The following SEMA6D variants were observed in gnomAD, a reference collection of about 807,000 sequenced individuals.
The protein encoded by SEMA6D is semaphorin-6D.
In SEMA6D, 35 loss-of-function variants were observed where a neutral mutation model predicts 106.6. The ratio of observed to expected loss-of-function variants is 0.33; its 90% CI spans 0.25 to 0.44. The LOEUF is 0.44. Ranked by LOEUF, SEMA6D falls within the 20% of genes least tolerant of loss-of-function variation. SEMA6D has a pLI of 1.00. For synonymous variants in SEMA6D, 499 were observed against 487.7 expected, an observed-to-expected ratio of 1.02 and a Z score of -0.31; for missense variants, 1,185 against 1,345.9, an observed-to-expected ratio of 0.88 and a Z score of 1.87.
chr15:47,426,196 G>A (rs775465344), intron 2 of SEMA6D, among the ~76,000 whole-genome samples: 1 of 151,964 alleles, frequency 6.6e-6, no homozygotes, highest in Non-Finnish European at 1.5e-5. Context: ...TTAGAGATGA[G>A]ATCTCACTAT....
At chr15:47,465,694 T>C (rs879330209) in intron 2 of SEMA6D, among the ~76,000 whole-genome samples, 2 of 152,142 alleles carry the variant, frequency 1.3e-5, no homozygotes, top group Non-Finnish European at 2.9e-5. Flanking sequence ...TCTCCTGCCA[T>C]GTAAGATGTG....
chr15:47,268,391 C>T (rs2034415931), intron 1 of SEMA6D, among the ~76,000 whole-genome samples: 1 of 152,022 alleles, frequency 6.6e-6, no homozygotes, highest in Non-Finnish European at 1.5e-5. Context: ...CTGTCCCTTC[C>T]ATTCTACCCT....
At chr15:47,334,185 AC>A (rs2037460378) in intron 1 of SEMA6D, among the ~76,000 whole-genome samples, 1 of 152,164 alleles carries the variant, frequency 6.6e-6, no homozygotes, top group African/African-American at 2.4e-5. Flanking sequence ...AGGGTGGTGC[AC>A]CCAGGGAGGG....
chr15:47,501,664 C>T (rs1346358115), intron 3 of SEMA6D, among the ~76,000 whole-genome samples: 2 of 152,110 alleles, frequency 1.3e-5, no homozygotes, highest in East Asian at 3.8e-4. Flanking sequence ...CTGTTAGCAA[C>T]AGTAACAAGT....
intron 3 of SEMA6D, among the ~76,000 whole-genome samples, chr15:47,506,297 G>A (rs1465221691): frequency 2.6e-5 from 4 of 152,138 alleles, no homozygotes; most frequent in Non-Finnish European, 4.4e-5. Context: ...CTTTAGGTTT[G>A]TTTTGCCTTT....
At chr15:47,473,963 A>G (rs1274230682) in intron 3 of SEMA6D, among the ~76,000 whole-genome samples, 2 of 152,134 alleles carry the variant, frequency 1.3e-5, no homozygotes, top group African/African-American at 2.4e-5. Context: ...GGTTCTGGAA[A>G]GGCTGTGCCT....
intron 1 of SEMA6D, among the ~76,000 whole-genome samples, chr15:47,215,515 T>C (rs1483227131): frequency 1.3e-5 from 2 of 152,294 alleles, no homozygotes; most frequent in East Asian, 1.9e-4. Context: ...ATTTAGCTCA[T>C]ATATATTTAC....
intron 3 of SEMA6D, among the ~76,000 whole-genome samples, chr15:47,589,857 A>T (rs1276941319): frequency 1.3e-5 from 2 of 152,200 alleles, no homozygotes; most frequent in Admixed American, 1.3e-4. Flanking sequence ...CATTTTGGTT[A>T]TCTATAGCTA....
chr15:47,553,153 C>A (rs1306597831), intron 3 of SEMA6D, among the ~76,000 whole-genome samples: 2 of 151,464 alleles, frequency 1.3e-5, no homozygotes, highest in Non-Finnish European at 2.9e-5. Flanking sequence ...ATCCGCCCAT[C>A]TTGACCTCCA....
intron 1 of SEMA6D, among the ~76,000 whole-genome samples, chr15:47,407,913 G>A (rs556301854): frequency 6.6e-6 from 1 of 152,250 alleles, no homozygotes; most frequent in East Asian, 1.9e-4. Flanking sequence ...CCTCCTTTCT[G>A]CACCTTGGTG....
At chr15:47,395,113 T>C (rs2040169600) in intron 1 of SEMA6D, among the ~76,000 whole-genome samples, 2 of 152,146 alleles carry the variant, frequency 1.3e-5, no homozygotes, top group South Asian at 4.1e-4. Context: ...TAAGATTGCA[T>C]ACACAATAGG....
intron 1 of SEMA6D, among the ~76,000 whole-genome samples, chr15:47,333,248 A>G (rs1486911781): frequency 1.3e-5 from 2 of 152,182 alleles, no homozygotes; most frequent in Non-Finnish European, 2.9e-5. Flanking sequence ...TTACAATTTA[A>G]TGAGTGAATA....
chr15:47,315,019 T>G (rs969605976), intron 1 of SEMA6D, among the ~76,000 whole-genome samples: 1 of 150,838 alleles, frequency 6.6e-6, no homozygotes, highest in African/African-American at 2.4e-5. Flanking sequence ...GCGCCCGCCA[T>G]CACGCCCGGC....
chr15:47,248,177 C>T (rs961222682), intron 1 of SEMA6D, among the ~76,000 whole-genome samples: 3 of 152,232 alleles, frequency 2.0e-5, no homozygotes, highest in South Asian at 4.1e-4. Flanking sequence ...AAATCAGAGA[C>T]AATTCATTCT....
At chr15:47,420,492 G>A (rs2041117863) in intron 2 of SEMA6D, among the ~76,000 whole-genome samples, 1 of 151,884 alleles carries the variant, frequency 6.6e-6, no homozygotes, top group Admixed American at 6.6e-5. Context: ...CTCCCCCTCT[G>A]TGCATGCTAG....
chr15:47,684,598 A>G (rs1350832332), intron 4 of SEMA6D, among the ~76,000 whole-genome samples: 7 of 152,194 alleles, frequency 4.6e-5, no homozygotes, highest in Non-Finnish European at 4.4e-5. Context: ...TGCCCAGTAC[A>G]TACCAGGAGC....
intron 1 of SEMA6D, among the ~76,000 whole-genome samples, chr15:47,746,259 G>A (rs980103838): frequency 5.9e-5 from 9 of 152,286 alleles, no homozygotes; most frequent in Admixed American, 5.2e-4. Context: ...CCTCTGATGA[G>A]GCACTTTGCA....
At chr15:47,356,037 C>A (rs1342520218) in intron 1 of SEMA6D, among the ~76,000 whole-genome samples, 1 of 152,210 alleles carries the variant, frequency 6.6e-6, no homozygotes, top group Non-Finnish European at 1.5e-5. Context: ...TCAGAGGAAT[C>A]ATGGGAATTG....
intron 1 of SEMA6D, among the ~76,000 whole-genome samples, chr15:47,323,571 A>G (rs1397432174): frequency 6.6e-6 from 1 of 152,118 alleles, no homozygotes; most frequent in African/African-American, 2.4e-5. Context: ...GAGAAAGTGG[A>G]TAAGATGGGG....
Sources: gnomAD v4.1 joint callset for allele counts (sites outside exome capture counted in the v4.1 genomes callset) on GRCh38, gnomAD v4.1.1 for gene constraint, MANE v1.5 for transcripts, NCBI Gene and HGNC (gene_info 2026-07-23, HGNC 2026-07-21) for gene names.